Variants in MAP2K5 observed in about 807,000 individuals in gnomAD.
MAP2K5 encodes dual specificity mitogen-activated protein kinase kinase 5.
MAP2K5 carries 49 observed loss-of-function variants against 83.1 expected under a neutral mutation model. That is an observed-to-expected ratio of 0.59 (90% CI 0.47 to 0.75). The LOEUF (loss-of-function observed/expected upper bound fraction) is 0.75, where lower values mean the gene tolerates loss of function less well. Among genes scored for constraint, MAP2K5 ranks in the 30% least tolerant of loss-of-function variants. MAP2K5 has a pLI of 0.00. For missense variants in MAP2K5, 457 were observed against 557.5 expected, an observed-to-expected ratio of 0.82 and a Z score of 1.82; for synonymous variants, 202 against 191.8, an observed-to-expected ratio of 1.05 and a Z score of -0.44.
chr15:67,793,431 GT>G lies in MAP2K5; in HGVS notation c.1243-13211del, dbSNP rs2090551879. ...GCTGGTTTTTTGTTTTTGTTGTATA[GT>G]TTTGCTAGTAGATGTCATTTCTTGC... is the stretch of plus-strand genomic sequence containing the variant. On this transcript the variant is annotated intron_variant, in intron 21 of 21. Coordinates refer to ENST00000178640, the MANE Select transcript of MAP2K5 (RefSeq NM_145160.3). This position sits in a 1 kb window ranked among gnomAD's most constrained non-coding sequence, Gnocchi z 4.6. Among the ~76,000 whole-genome samples the G allele has an allele frequency of 6.6e-6, 1 of 152,128 alleles. No homozygotes were observed. Among genetic ancestry groups the G allele is most frequent in the Non-Finnish European group, 1.5e-5 (1 of 68,030 alleles).
intron 8 of MAP2K5, among the ~76,000 whole-genome samples, chr15:67,624,261 C>T (rs1160418411): frequency 6.8e-6 from 1 of 147,282 alleles, no homozygotes; most frequent in Non-Finnish European, 1.5e-5. Flanking sequence ...ATGGTGTGAA[C>T]CCGGGAAGCG....
At chr15:67,630,450 CA>C (rs1036613481) in intron 8 of MAP2K5, among the ~76,000 whole-genome samples, 2 of 149,898 alleles carry the variant, frequency 1.3e-5, no homozygotes, top group South Asian at 2.1e-4. Flanking sequence ...AAAAAATAAG[CA>C]AAAAAAATGG....
Position 67,785,265 on chromosome 15 carries a change from A to C in MAP2K5, c.1242+12513A>C, listed in dbSNP as rs1355818374. Among the ~76,000 whole-genome samples, 3 of 152,216 alleles carry C rather than the reference A, an allele frequency of 2.0e-5. No homozygotes were observed. Among genetic ancestry groups the C allele is most frequent in the Non-Finnish European group, 4.4e-5 (3 of 68,030 alleles). ...CGGCCCCGAACTGTTTCTTAAACAC[A>C]GGAAGATAAGGAATTTGTGCCAGGA... On this transcript the variant is annotated intron_variant, in intron 21 of 21. Coordinates refer to ENST00000178640, the MANE Select transcript of MAP2K5 (RefSeq NM_145160.3). The surrounding 1 kb of genome is among the most constrained non-coding windows in gnomAD (Gnocchi z 4.4).
At chr15:67,712,695 G>T (rs1341032045) in intron 16 of MAP2K5, among the ~76,000 whole-genome samples, 1 of 152,170 alleles carries the variant, frequency 6.6e-6, no homozygotes, top group Non-Finnish European at 1.5e-5. Context: ...GAGGCAGGCG[G>T]ATCACGAGGT....
Position 67,549,030 on chromosome 15 carries a change from T to G in MAP2K5, c.136-1004T>G, listed in dbSNP as rs2084453746. On this transcript the variant is annotated intron_variant, in intron 1 of 21. Transcript: ENST00000178640. Reference sequence around the variant, plus strand: ...CAGCCACTCTGCTAAGTGCCCTGCTTGGAAAGGCTGTGGGCTCCCTGCTGA... The same window carrying G: ...CAGCCACTCTGCTAAGTGCCCTGCTGGGAAAGGCTGTGGGCTCCCTGCTGA... The G allele has an allele frequency of 8.2e-6, 12 of 1,462,366 alleles. No individual in the cohort carries two copies. In the South Asian group the frequency reaches 1.7e-4, roughly 21 times the overall value. 90.6% of individuals were successfully genotyped at this position (1,462,366 alleles called of 1,614,324 possible).
chr15:67,772,556 AG>A, intron 20 of MAP2K5, 150 bp from the exon 21 acceptor site: 1 of 435,678 alleles, frequency 2.3e-6, no homozygotes, highest in Middle Eastern at 3.6e-4. Context: ...AATAAAAGAA[AG>A]GGAATATATG....
Position 67,806,728 on chromosome 15 carries a change from G to A in MAP2K5, c.1325G>A (p.Arg442Gln), listed in dbSNP as rs765534774. ...GTGTGCCGGGCGCTGGAGGAGAGGC[G>A]GAGCCAGCAGGGGCCCCCGTGAGGC... is the stretch of plus-strand genomic sequence containing the variant. ...MWVCRALEER[R>Q]SQQGPP The change falls in exon 22 of 22, where the codon CGG (arginine) becomes CAG (glutamine). Residue 442 changes from arginine (R) to glutamine (Q), a missense_variant. Transcript: ENST00000178640. 1.3e-5 allele frequency: 20 copies of A among 1,552,596 alleles called. No homozygotes were observed. The highest frequency in any genetic ancestry group is 9.7e-5 in the Admixed American group (5 of 51,492).
intron 13 of MAP2K5, among the ~76,000 whole-genome samples, chr15:67,689,487 T>G (rs2088045300): frequency 6.6e-6 from 1 of 152,022 alleles, no homozygotes. Flanking sequence ...ATGATGAGGT[T>G]TTTTTTTCTT....
At position 67,748,616 on chromosome 15, in the gene MAP2K5, T is replaced by G. The variant is rs1394920924; in HGVS notation, c.1134+15T>G. The G allele has an allele frequency of 1.9e-6, 3 of 1,613,064 alleles. No homozygotes were observed. Among genetic ancestry groups the G allele is most frequent in the East Asian group, 2.2e-5 (1 of 44,888 alleles). ...TTGTTGATGAGGTGAGGCATCGTCT[T>G]ATGTGCTTTCACTCCTAAAGTCATT... On this transcript the variant is annotated intron_variant, in intron 19 of 21. Transcript: ENST00000178640. This position sits in a 1 kb window ranked among gnomAD's most constrained non-coding sequence, Gnocchi z 4.0.
intron 8 of MAP2K5, chr15:67,629,205 A>C: frequency 1.5e-6 from 1 of 651,398 alleles, no homozygotes; most frequent in Non-Finnish European, 2.8e-6. Context: ...ACAGGTTACA[A>C]CAGATTTGTG....
intron 21 of MAP2K5, among the ~76,000 whole-genome samples, chr15:67,799,635 G>A (rs1356430039): frequency 6.6e-6 from 1 of 152,212 alleles, no homozygotes; most frequent in Admixed American, 6.5e-5. Flanking sequence ...GCCTTGCTAC[G>A]CAGAGGTGAA....
At chr15:67,609,176 T>G (rs1044249025) in intron 8 of MAP2K5, among the ~76,000 whole-genome samples, 1 of 152,166 alleles carries the variant, frequency 6.6e-6, no homozygotes, top group African/African-American at 2.4e-5. Flanking sequence ...CAGCATTCAG[T>G]TACCATAAAA....
In MAP2K5 at chr15:67,630,913, A is replaced by T. The variant is rs1240996513; in HGVS notation, c.571A>T (p.Ile191Leu). ...YKAYHVPSGK[I>L]LAVKVILLDI... ...AGCATATCATGTCCCGAGTGGGAAAATATTAGCTGTAAAGGTAAGTACTGG... is the reference window on the plus strand; with the variant it reads ...AGCATATCATGTCCCGAGTGGGAAATTATTAGCTGTAAAGGTAAGTACTGG... The change falls in exon 9 of 22, where the codon ATA becomes TTA. Residue 191 changes from isoleucine to leucine, a missense_variant. Ile to Leu is a conservative substitution (Grantham distance 5). Transcript: ENST00000178640. The T allele has an allele frequency of 1.2e-6, 2 of 1,610,054 alleles. No homozygotes were observed. Among genetic ancestry groups the T allele is most frequent in the Admixed American group, 1.7e-5 (1 of 59,328 alleles).
In MAP2K5 at chr15:67,794,697, T is replaced by A. The variant is rs1476594132; in HGVS notation, c.1243-11949T>A. Among the ~76,000 whole-genome samples the A allele has an allele frequency of 1.3e-5, 2 of 151,804 alleles. No individual in the cohort carries two copies. The highest frequency in any genetic ancestry group is 4.8e-5 in the African/African-American group (2 of 41,298). On this transcript the variant is annotated intron_variant, in intron 21 of 21. Coordinates refer to ENST00000178640, the MANE Select transcript of MAP2K5 (RefSeq NM_145160.3). This position sits in a 1 kb window ranked among gnomAD's most constrained non-coding sequence, Gnocchi z 4.6. ...TAGCGTTATTTACATTTACCCAAAGTTTTGATGTTTTGATGTCCAGTGTCT... is the reference window on the plus strand; with the variant it reads ...TAGCGTTATTTACATTTACCCAAAGATTTGATGTTTTGATGTCCAGTGTCT...
chr15:67,718,815 T>C (rs1404039142), intron 16 of MAP2K5, among the ~76,000 whole-genome samples: 1 of 152,134 alleles, frequency 6.6e-6, no homozygotes, highest in Non-Finnish European at 1.5e-5. Flanking sequence ...ATGGGGTACA[T>C]GAGATATTTT....
intron 11 of MAP2K5, among the ~76,000 whole-genome samples, chr15:67,655,168 TTG>T (rs1329124599): frequency 1.3e-5 from 2 of 152,232 alleles, no homozygotes; most frequent in African/African-American, 4.8e-5. Context: ...TTCCTATACA[TTG>T]TGTGTCCAAC....
chr15:67,600,881 G>A, intron 8 of MAP2K5, 132 bp downstream of exon 8: 1 of 617,916 alleles, frequency 1.6e-6, no homozygotes, highest in South Asian at 2.4e-5. Flanking sequence ...CCAAAATTCT[G>A]CAAGACATCT....
At chr15:67,579,110 G>A (rs763020603) in intron 3 of MAP2K5, among the ~76,000 whole-genome samples, 1 of 152,168 alleles carries the variant, frequency 6.6e-6, no homozygotes, top group Non-Finnish European at 1.5e-5. Flanking sequence ...TTTTTTGACA[G>A]CCACTGATTG....
At chr15:67,796,468 G>A (rs2090606368) in intron 21 of MAP2K5, among the ~76,000 whole-genome samples, 1 of 152,154 alleles carries the variant, frequency 6.6e-6, no homozygotes, top group Non-Finnish European at 1.5e-5. Context: ...CAAAAATATA[G>A]GCAAGAGAGA....
Sources: gnomAD v4.1 joint callset for allele counts (sites outside exome capture counted in the v4.1 genomes callset) on GRCh38, gnomAD v4.1.1 for gene constraint, Gnocchi (gnomAD v3.1) non-coding constraint, MANE v1.5 for transcripts, NCBI Gene and HGNC (gene_info 2026-07-23, HGNC 2026-07-21) for gene names.